Variants in UBE2E2 observed in about 807,000 individuals in gnomAD.
UBE2E2 encodes ubiquitin conjugating enzyme E2 E2.
UBE2E2 carries 6 observed loss-of-function variants against 24.7 expected under a neutral mutation model. That is an observed-to-expected ratio of 0.24 (90% CI 0.13 to 0.48). The LOEUF (loss-of-function observed/expected upper bound fraction) is 0.48. Among genes scored for constraint, UBE2E2 ranks in the 20% least tolerant of loss-of-function variants. UBE2E2 has a pLI of 0.99. For synonymous variants in UBE2E2, 104 were observed against 83.6 expected, an observed-to-expected ratio of 1.24 and a Z score of -1.33; for missense variants, 169 against 245.0, an observed-to-expected ratio of 0.69 and a Z score of 2.07.
At chr3:23,543,025 A>T (rs1695429223) in intron 5 of UBE2E2, among the ~76,000 whole-genome samples, 1 of 152,214 alleles carries the variant, frequency 6.6e-6, no homozygotes, top group Non-Finnish European at 1.5e-5. Flanking sequence ...GTTGGTTTAG[A>T]AGTTGATCTT....
chr3:23,499,556 TC>T, intron 3 of UBE2E2, 51 bp from the exon 4 acceptor site: 4 of 1,572,256 alleles, frequency 2.5e-6, no homozygotes, highest in Non-Finnish European at 2.6e-6. Flanking sequence ...TTTGTTAAAT[TC>T]CAGCCTTTAT....
At position 23,252,575 on chromosome 3, in the gene UBE2E2, C is replaced by T. The variant is rs188271460; in HGVS notation, c.227+35263C>T. 6.4e-3 allele frequency among the ~76,000 whole-genome samples: 968 copies of T among 152,334 alleles called. 14 individuals carry two copies. Among genetic ancestry groups the T allele is most frequent in the African/African-American group, 0.022 (896 of 41,568 alleles). On this transcript the variant is annotated intron_variant, in intron 3 of 5. Coordinates refer to ENST00000396703, the MANE Select transcript of UBE2E2 (RefSeq NM_152653.4). ...GCAGTAGCACGATCTCAGCTCACTGCAACCTCTGCCTCCTCGGTTCAAGCG... is the reference window on the plus strand; with the variant it reads ...GCAGTAGCACGATCTCAGCTCACTGTAACCTCTGCCTCCTCGGTTCAAGCG...
intron 3 of UBE2E2, among the ~76,000 whole-genome samples, chr3:23,458,391 C>CTGCTGGTGGTGG (rs1553613010): frequency 8.2e-6 from 1 of 122,434 alleles, no homozygotes; most frequent in Admixed American, 7.9e-5. Flanking sequence ...AGAGAGATCG[C>CTGCTGGTGGTGG]TGGTGGTGGT....
At chr3:23,372,212 C>A (rs77300102) in intron 3 of UBE2E2, among the ~76,000 whole-genome samples, 4,384 of 152,216 alleles carry the variant, frequency 0.029, 110 homozygotes, top group East Asian at 0.13. Flanking sequence ...TATCTCAATT[C>A]TTAATGCAGG....
At chr3:23,553,729 A>T (rs1229819801) in intron 5 of UBE2E2, among the ~76,000 whole-genome samples, 1 of 152,196 alleles carries the variant, frequency 6.6e-6, no homozygotes, top group Non-Finnish European at 1.5e-5. Flanking sequence ...CTAGATAGAA[A>T]AGTCCATGGC....
At chr3:23,488,349 C>T (rs747693072) in intron 3 of UBE2E2, among the ~76,000 whole-genome samples, 2 of 152,016 alleles carry the variant, frequency 1.3e-5, no homozygotes, top group Non-Finnish European at 2.9e-5. Context: ...AATGTTATTC[C>T]TCCGCTAAGC....
At chr3:23,219,271 C>T (rs1363610930) in intron 3 of UBE2E2, among the ~76,000 whole-genome samples, 1 of 152,142 alleles carries the variant, frequency 6.6e-6, no homozygotes, top group African/African-American at 2.4e-5. Flanking sequence ...GTCCTCTGTG[C>T]TGTAGCTGAT....
intron 4 of UBE2E2, among the ~76,000 whole-genome samples, chr3:23,502,036 GTAGA>G (rs933257368): frequency 6.6e-6 from 1 of 152,166 alleles, no homozygotes; most frequent in African/African-American, 2.4e-5. Context: ...ATCAGATTCT[GTAGA>G]TAGATGTGTT....
chr3:23,349,396 C>G lies in UBE2E2; in HGVS notation c.227+132084C>G, dbSNP rs192598028. 2.4e-3 allele frequency among the ~76,000 whole-genome samples: 362 copies of G among 152,316 alleles called. 3 individuals are homozygous for G. Among genetic ancestry groups the G allele is most frequent in the African/African-American group, 8.3e-3 (346 of 41,574 alleles). Reference sequence around the variant, plus strand: ...GACAGTGGGCACAGGACAGTGGGTGCAGCACACTGTGCGCGACCCGAAGCA... The same window carrying G: ...GACAGTGGGCACAGGACAGTGGGTGGAGCACACTGTGCGCGACCCGAAGCA... On this transcript the variant is annotated intron_variant, in intron 3 of 5. Coordinates refer to ENST00000396703, the MANE Select transcript of UBE2E2 (RefSeq NM_152653.4).
At chr3:23,533,172 G>A (rs933974394) in intron 5 of UBE2E2, among the ~76,000 whole-genome samples, 5 of 152,070 alleles carry the variant, frequency 3.3e-5, no homozygotes, top group African/African-American at 1.2e-4. Flanking sequence ...GGTCCTGAAT[G>A]GTCTGTTCTA....
At position 23,313,386 on chromosome 3, in the gene UBE2E2, C is replaced by CTTTTTTTTTT. The variant is rs34208918; in HGVS notation, c.227+96084_227+96093dup. Among the ~76,000 whole-genome samples, 4 of 111,872 alleles carry CTTTTTTTTTT rather than the reference C, an allele frequency of 3.6e-5. 1 individual carries two copies. Among genetic ancestry groups the CTTTTTTTTTT allele is most frequent in the Non-Finnish European group, 6.8e-5 (4 of 58,542 alleles). 73.4% of individuals were successfully genotyped at this position (111,872 alleles called of 152,430 possible). A position where few individuals can be genotyped will look rare whatever the true frequency, so the allele number is the denominator to read the frequency against. ...TCTTGTAGGCAATGGATCATTGGGT[C>CTTTTTTTTTT]TTTTTTTTTTTTTTTTTTTGAGGGC... On this transcript the variant is annotated intron_variant, in intron 3 of 5. Transcript: ENST00000396703.
At position 23,449,877 on chromosome 3, in the gene UBE2E2, G is replaced by A. The variant is rs1202126194; in HGVS notation, c.228-49731G>A. On this transcript the variant is annotated intron_variant, in intron 3 of 5. Transcript: ENST00000396703. The stretch of plus-strand genomic sequence containing the variant: ...TGGCAGAAACCCCAGCCCTATAATG[G>A]GGAAGGTCCCACCAGTGCGGAGGCC... 7 of 985,304 alleles carry A rather than the reference G, an allele frequency of 7.1e-6. No individual in the cohort carries two copies. In the African/African-American group the frequency reaches 1.0e-4, roughly 15 times the overall value. The allele number at this position is 985,304 out of a possible 1,614,324, so 61.0% of individuals were successfully genotyped here. A position where few individuals can be genotyped will look rare whatever the true frequency, so the allele number is the denominator to read the frequency against.
intron 4 of UBE2E2, among the ~76,000 whole-genome samples, chr3:23,527,606 G>C (rs1174432253): frequency 6.6e-6 from 1 of 152,126 alleles, no homozygotes; most frequent in Non-Finnish European, 1.5e-5. Flanking sequence ...TTAGAGGGTT[G>C]GAACTTTCAG....
At chr3:23,339,529 C>A (rs1174801376) in intron 3 of UBE2E2, among the ~76,000 whole-genome samples, 2 of 151,970 alleles carry the variant, frequency 1.3e-5, no homozygotes, top group Admixed American at 1.3e-4. Flanking sequence ...TTTGTAAAGT[C>A]TGAAATTATT....
chr3:23,580,367 C>A (rs982228243), intron 5 of UBE2E2, among the ~76,000 whole-genome samples: 4 of 152,204 alleles, frequency 2.6e-5, no homozygotes, highest in Admixed American at 2.6e-4. Context: ...CCTGATCAGT[C>A]AGCAGCCATC....
intron 3 of UBE2E2, among the ~76,000 whole-genome samples, chr3:23,384,549 T>G (rs768487489): frequency 6.6e-6 from 1 of 152,104 alleles, no homozygotes; most frequent in Non-Finnish European, 1.5e-5. Context: ...TTATTCTTAT[T>G]TATTTATTTT....
At chr3:23,366,664 A>C (rs1696264243) in intron 3 of UBE2E2, among the ~76,000 whole-genome samples, 1 of 152,108 alleles carries the variant, frequency 6.6e-6, no homozygotes, top group South Asian at 2.1e-4. Flanking sequence ...CCTGTTGGGT[A>C]CTATGCTTAT....
intron 3 of UBE2E2, among the ~76,000 whole-genome samples, chr3:23,353,792 G>C (rs935549760): frequency 4.0e-5 from 6 of 149,534 alleles, no homozygotes; most frequent in African/African-American, 1.5e-4. Flanking sequence ...AATCAATATC[G>C]TGAAAATGGC....
At chr3:23,297,094 G>A (rs1318237210) in intron 3 of UBE2E2, among the ~76,000 whole-genome samples, 1 of 152,168 alleles carries the variant, frequency 6.6e-6, no homozygotes, top group Non-Finnish European at 1.5e-5. Context: ...TTTTTGGGCT[G>A]CATAAATGTC....
Sources: allele counts gnomAD v4.1 joint callset (sites outside exome capture counted in the v4.1 genomes callset), GRCh38; gene constraint gnomAD v4.1.1; transcripts MANE v1.5; gene names NCBI Gene and HGNC (gene_info 2026-07-23, HGNC 2026-07-21).